The following CASS4 variants were observed in gnomAD, a reference collection of about 807,000 sequenced individuals.
CASS4 encodes cas scaffolding protein family member 4.
CASS4 carries 22 observed loss-of-function variants against 54.2 expected under a neutral mutation model. The observed-to-expected ratio is 0.41, with a 90% CI of 0.29 to 0.58. The LOEUF (loss-of-function observed/expected upper bound fraction) is 0.58. Among genes scored for constraint, CASS4 ranks in the 20% least tolerant of loss-of-function variants. CASS4 has a pLI of 0.36. For synonymous variants in CASS4, 409 were observed against 391.5 expected (o/e 1.04, Z -0.53); for missense variants, 854 against 986.7 (o/e 0.87, Z 1.80).
intron 5 of CASS4, among the ~76,000 whole-genome samples, chr20:56,454,628 A>G (rs1381903903): frequency 1.3e-5 from 2 of 152,202 alleles, no homozygotes. Context: ...ACACCACTCA[A>G]TTTGGTAAGT....
At chr20:56,429,567 G>C (rs1979806676) in intron 1 of CASS4, among the ~76,000 whole-genome samples, 1 of 152,034 alleles carries the variant, frequency 6.6e-6, no homozygotes, top group South Asian at 2.1e-4. Context: ...CAGGCAACCT[G>C]GTCATTTTTC....
chr20:56,442,472 CT>C (rs957765507), intron 2 of CASS4, among the ~76,000 whole-genome samples: 4 of 151,696 alleles, frequency 2.6e-5, no homozygotes, highest in Non-Finnish European at 4.4e-5. Flanking sequence ...CTGATGAACA[CT>C]TTACTGAAAT....
rs1031760441 is a variant in CASS4, at chr20:56,452,411, C to T, written c.1235C>T (p.Ser412Leu). 10 of 1,614,014 alleles carry T rather than the reference C, an allele frequency of 6.2e-6. No individual in the cohort carries two copies. Among genetic ancestry groups the T allele is most frequent in the Admixed American group, 3.3e-5 (2 of 60,006 alleles). ...SSDSRASIVSSCSTTSTDDSS... is the reference protein window; with the variant it reads ...SSDSRASIVSLCSTTSTDDSS... ...GACAGCAGAGCTAGCATCGTTTCCT[C>T]GTGCTCCACCACATCCACCGACGAC... Residue 412 changes from serine (S) to leucine (L), a missense_variant, in exon 5 of 6, where the codon TCG (serine) becomes TTG (leucine). Ser to Leu is a moderately radical substitution (Grantham distance 145). Transcript: ENST00000679887.
intron 3 of CASS4, among the ~76,000 whole-genome samples, chr20:56,448,542 T>C (rs891229748): frequency 6.6e-6 from 1 of 151,916 alleles, no homozygotes; most frequent in Non-Finnish European, 1.5e-5. Flanking sequence ...CACTTGATGG[T>C]TTGCTTTTGG....
intron 1 of CASS4, among the ~76,000 whole-genome samples, chr20:56,426,728 C>A (rs1462723912): frequency 2.6e-5 from 4 of 152,100 alleles, no homozygotes; most frequent in African/African-American, 4.8e-5. Flanking sequence ...CAGGCATGTG[C>A]CACCATGCCC....
chr20:56,452,769 T>G lies in CASS4; in HGVS notation c.1593T>G (p.Leu531=). The G allele has an allele frequency of 6.2e-7, 1 of 1,614,042 alleles. No homozygotes were observed. Among genetic ancestry groups the G allele is most frequent in the Non-Finnish European group, 8.5e-7 (1 of 1,180,018 alleles). ...TCTCCAACTCCTACCGCATCCTGCT[T>G]GAAACAAAGGAAAGCTTGGATAATC... ...QTISNSYRIL[L]ETKESLDNRN... Residue 531 remains leucine, a synonymous_variant, in exon 5 of 6, where the codon CTT becomes CTG. Transcript: ENST00000679887.
intron 1 of CASS4, among the ~76,000 whole-genome samples, chr20:56,436,417 TC>T (rs1980170515): frequency 6.7e-6 from 1 of 149,640 alleles, no homozygotes; most frequent in South Asian, 2.1e-4. Context: ...CATATATATA[TC>T]AACCCGTCAT....
intron 1 of CASS4, among the ~76,000 whole-genome samples, chr20:56,428,981 AAAGAG>A (rs1427790781): frequency 6.6e-6 from 1 of 150,512 alleles, no homozygotes; most frequent in African/African-American, 2.4e-5. Flanking sequence ...TGAGTAAACT[AAAGAG>A]AAAGAAAATT....
In CASS4 at chr20:56,412,922, G is replaced by A. The variant is rs1010171791; in HGVS notation, c.36+428G>A. Among the ~76,000 whole-genome samples the A allele has an allele frequency of 1.3e-5, 2 of 152,148 alleles. No individual in the cohort carries two copies. The highest frequency in any genetic ancestry group is 2.9e-5 in the Non-Finnish European group (2 of 68,030). Reference sequence around the variant, plus strand: ...CAGACCCTTGCCTGCAGCCTCCCGTGCTGAGCCCACAGTGGGCACTTACAT... The same window carrying A: ...CAGACCCTTGCCTGCAGCCTCCCGTACTGAGCCCACAGTGGGCACTTACAT... On this transcript the variant is annotated intron_variant, in intron 1 of 5. Coordinates refer to ENST00000679887, the MANE Select transcript of CASS4 (RefSeq NM_020356.4). This position sits in a 1 kb window ranked among gnomAD's most constrained non-coding sequence, Gnocchi z 4.2.
At chr20:56,425,442 G>C (rs927520476) in intron 1 of CASS4, among the ~76,000 whole-genome samples, 1 of 152,216 alleles carries the variant, frequency 6.6e-6, no homozygotes, top group Non-Finnish European at 1.5e-5. Context: ...GCACCTTTCA[G>C]CATCCTCCAT....
At position 56,456,534 on chromosome 20, in the gene CASS4, C is replaced by T. The variant is rs369794050; in HGVS notation, c.1954-1806C>T. Among the ~76,000 whole-genome samples the T allele has an allele frequency of 8.6e-5, 13 of 151,424 alleles. No individual in the cohort carries two copies. The South Asian group carries it at 2.3e-3, about 27-fold the overall frequency. ...GACTACAGGCGCCTGCCACCACACC[C>T]GGCTAATTTTTTGTATTTTTGGCAG... On this transcript the variant is annotated intron_variant, in intron 5 of 5. Transcript: ENST00000679887.
chr20:56,436,636 T>TG (rs1275102598), intron 1 of CASS4, among the ~76,000 whole-genome samples: 10 of 151,982 alleles, frequency 6.6e-5, no homozygotes, highest in Non-Finnish European at 5.9e-5. Context: ...ACTACATAAC[T>TG]ACAAGGGTCA....
At chr20:56,419,914 A>G (rs1197891775) in intron 1 of CASS4, among the ~76,000 whole-genome samples, 1 of 152,138 alleles carries the variant, frequency 6.6e-6, no homozygotes, top group African/African-American at 2.4e-5. Context: ...TTGGTGGTGC[A>G]CGCCTGTAAT....
rs1359715082 is a variant in CASS4, at chr20:56,458,559, C to A, written c.2173C>A (p.Gln725Lys). ...GGTGGACACGCTGTGCATGGAGACCCAGGAGAGGGACGTGCGCAACGAGAT... is the reference window on the plus strand; with the variant it reads ...GGTGGACACGCTGTGCATGGAGACCAAGGAGAGGGACGTGCGCAACGAGAT... ...KLVDTLCMETQERDVRNEILR... is the reference protein window; with the variant it reads ...KLVDTLCMETKERDVRNEILR... The change falls in exon 6 of 6, where the codon CAG becomes AAG. Residue 725 changes from glutamine to lysine, a missense_variant. Coordinates refer to ENST00000679887, the MANE Select transcript of CASS4 (RefSeq NM_020356.4). 2.5e-6 allele frequency: 4 copies of A among 1,613,950 alleles called. No individual in the cohort carries two copies. In the Admixed American group the frequency reaches 5.0e-5, roughly 20 times the overall value.
chr20:56,444,390 C>G (rs1388575926), intron 2 of CASS4, among the ~76,000 whole-genome samples: 2 of 152,194 alleles, frequency 1.3e-5, no homozygotes, highest in Non-Finnish European at 2.9e-5. Flanking sequence ...GTACACTCCC[C>G]CTGTCCTGGA....
intron 2 of CASS4, among the ~76,000 whole-genome samples, chr20:56,438,981 G>A (rs6127753): frequency 0.11 from 17,405 of 152,244 alleles, 2,041 homozygotes; most frequent in East Asian, 0.42. Context: ...CCAAGGAAGG[G>A]GAACTGGTTA....
At position 56,458,574 on chromosome 20, in the gene CASS4, C is replaced by A. The variant is rs746192245; in HGVS notation, c.2188C>A (p.Arg730Ser). The change falls in exon 6 of 6, where the codon CGC (arginine) becomes AGC (serine). Residue 730 changes from arginine to serine, a missense_variant. By Grantham distance (110) the Arg-to-Ser change is moderately radical. Coordinates refer to ENST00000679887, the MANE Select transcript of CASS4 (RefSeq NM_020356.4). The stretch of plus-strand genomic sequence containing the variant: ...CATGGAGACCCAGGAGAGGGACGTG[C>A]GCAACGAGATCCTCCGTGGCAGCAG... ...LCMETQERDV[R>S]NEILRGSSHL... The A allele has an allele frequency of 6.2e-7, 1 of 1,613,970 alleles. No individual in the cohort carries two copies. Among genetic ancestry groups the A allele is most frequent in the South Asian group, 1.1e-5 (1 of 91,082 alleles).
At chr20:56,425,223 C>T (rs1253751629) in intron 1 of CASS4, among the ~76,000 whole-genome samples, 1 of 152,200 alleles carries the variant, frequency 6.6e-6, no homozygotes, top group East Asian at 1.9e-4. Flanking sequence ...CTTTGAGATC[C>T]TCTCAGTGCC....
intron 2 of CASS4, among the ~76,000 whole-genome samples, chr20:56,445,405 T>C (rs2146288877): frequency 6.6e-6 from 1 of 152,232 alleles, no homozygotes; most frequent in South Asian, 2.1e-4. Flanking sequence ...CTCCCAGACC[T>C]TGTTGGTCCC....
Sources: gnomAD v4.1 joint callset for allele counts (sites outside exome capture counted in the v4.1 genomes callset) on GRCh38, gnomAD v4.1.1 for gene constraint, Gnocchi (gnomAD v3.1) non-coding constraint, MANE v1.5 for transcripts, NCBI Gene and HGNC (gene_info 2026-07-23, HGNC 2026-07-21) for gene names.